The following MSRB3 variants were observed in gnomAD, a reference collection of about 807,000 sequenced individuals.
MSRB3 encodes the protein methionine sulfoxide reductase B3, also known as methionine-R-sulfoxide reductase B3.
In MSRB3, 13 loss-of-function variants were observed where a neutral mutation model predicts 21.0. The observed-to-expected ratio is 0.62, with a 90% CI of 0.40 to 0.98. The LOEUF is 0.98. Ranked by LOEUF, MSRB3 falls within the 50% of genes least tolerant of loss-of-function variation. The pLI, the probability that MSRB3 is intolerant of heterozygous loss-of-function variation, is 0.00. For synonymous variants in MSRB3, 87 were observed against 88.6 expected (o/e 0.98, Z 0.10); for missense variants, 199 against 230.3 (o/e 0.86, Z 0.88).
chr12:65,365,642 G>A (rs1175536890), intron 4 of MSRB3, among the ~76,000 whole-genome samples: 2 of 152,142 alleles, frequency 1.3e-5, no homozygotes, highest in East Asian at 1.9e-4. Flanking sequence ...AACATTTGCA[G>A]GGCCTGGGCA....
At chr12:65,355,929 G>A (rs1372312546) in intron 4 of MSRB3, among the ~76,000 whole-genome samples, 1 of 151,888 alleles carries the variant, frequency 6.6e-6, no homozygotes, top group South Asian at 2.1e-4. Flanking sequence ...CTGAATTATG[G>A]ATACTTTAAG....
chr12:65,290,403 C>A (rs567268060), intron 1 of MSRB3, among the ~76,000 whole-genome samples: 199 of 152,234 alleles, frequency 1.3e-3, no homozygotes, highest in Non-Finnish European at 2.6e-3. Context: ...TTAATTATGC[C>A]TTTTCCCATT....
intron 6 of MSRB3, among the ~76,000 whole-genome samples, chr12:65,461,299 C>T (rs1011049233): frequency 1.3e-5 from 2 of 152,190 alleles, no homozygotes; most frequent in African/African-American, 4.8e-5. Context: ...TTCATCTTAG[C>T]TGTGGATGCC....
chr12:65,307,448 C>A (rs532009081), intron 1 of MSRB3, among the ~76,000 whole-genome samples: 8 of 152,188 alleles, frequency 5.3e-5, no homozygotes, highest in African/African-American at 1.9e-4. Flanking sequence ...GAGTCCGGAA[C>A]AGACTTTTTT....
At chr12:65,293,943 A>G (rs1468942831) in intron 1 of MSRB3, among the ~76,000 whole-genome samples, 2 of 152,192 alleles carry the variant, frequency 1.3e-5, no homozygotes, top group African/African-American at 4.8e-5. Context: ...GTTTACTTTC[A>G]GAGCTCTCCT....
intron 1 of MSRB3, among the ~76,000 whole-genome samples, chr12:65,292,470 G>A (rs951905212): frequency 6.7e-6 from 1 of 150,162 alleles, no homozygotes; most frequent in African/African-American, 2.5e-5. Flanking sequence ...ATCATTCTGG[G>A]ACAACACTTT....
chr12:65,409,121 T>C (rs1880577691), intron 5 of MSRB3, among the ~76,000 whole-genome samples: 1 of 151,618 alleles, frequency 6.6e-6, no homozygotes, highest in Non-Finnish European at 1.5e-5. Flanking sequence ...ATATATTATA[T>C]ATATATATAC....
rs1289090267 is a variant in MSRB3 at position 65,332,555 on chromosome 12, C to T, written c.263+3952C>T. Among the ~76,000 whole-genome samples the T allele has an allele frequency of 3.9e-5, 6 of 152,072 alleles. No individual in the cohort carries two copies. The East Asian group carries it at 1.2e-3, about 29-fold the overall frequency. ...AATGTAAATGACAAGTTAATGGGTG[C>T]AGCACACCAACATGGCACATGTATA... On this transcript the variant is annotated intron_variant, in intron 4 of 6. Coordinates refer to ENST00000308259, the MANE Select transcript of MSRB3 (RefSeq NM_001031679.3).
chr12:65,332,857 T>C (rs1364660037), intron 4 of MSRB3, among the ~76,000 whole-genome samples: 1 of 152,240 alleles, frequency 6.6e-6, no homozygotes, highest in African/African-American at 2.4e-5. Context: ...ACTGCTTTCT[T>C]ACTGCTTACC....
Position 65,375,223 on chromosome 12 carries a change from C to T in MSRB3, c.292+6197C>T, listed in dbSNP as rs139136782. 1.5e-3 allele frequency among the ~76,000 whole-genome samples: 229 copies of T among 152,182 alleles called. 1 individual carries two copies. In the East Asian group the frequency reaches 0.025, roughly 17 times the overall value. Reference sequence around the variant, plus strand: ...ATCCCGTTTTCTAAACTAACTTGACCAGGAAACAGCAAGGCATAGTGGCTA... The same window carrying T: ...ATCCCGTTTTCTAAACTAACTTGACTAGGAAACAGCAAGGCATAGTGGCTA... On this transcript the variant is annotated intron_variant, in intron 5 of 6. Coordinates refer to ENST00000308259, the MANE Select transcript of MSRB3 (RefSeq NM_001031679.3).
At chr12:65,310,085 T>A (rs1174627955) in intron 2 of MSRB3, among the ~76,000 whole-genome samples, 1 of 152,072 alleles carries the variant, frequency 6.6e-6, no homozygotes, top group East Asian at 1.9e-4. Context: ...TTAGAAGGAG[T>A]AAGGTATTTG....
chr12:65,397,205 G>C (rs547849502), intron 5 of MSRB3, among the ~76,000 whole-genome samples: 6 of 152,242 alleles, frequency 3.9e-5, no homozygotes, highest in Admixed American at 2.0e-4. Flanking sequence ...ATTGGTGTCA[G>C]CATGATATGT....
At chr12:65,379,262 T>C (rs1878813793) in intron 5 of MSRB3, among the ~76,000 whole-genome samples, 1 of 152,122 alleles carries the variant, frequency 6.6e-6, no homozygotes, top group African/African-American at 2.4e-5. Context: ...AAAGATAGCC[T>C]TGCTGTTGGA....
At position 65,466,422 on chromosome 12, in the gene MSRB3, TG is replaced by T. The variant is rs1176416791; in HGVS notation, c.*3101del. The stretch of plus-strand genomic sequence containing the variant: ...AACTGAGTCAATATGGCAAGGTGTA[TG>T]TGATCTGTGGGAGTTATGCCATTTA... On this transcript the variant is annotated 3_prime_UTR_variant, in exon 7 of 7. Transcript: ENST00000308259. The T allele has an allele frequency of 6.6e-6, 1 of 152,198 alleles. No homozygotes were observed. Among genetic ancestry groups the T allele is most frequent in the East Asian group, 1.9e-4 (1 of 5,188 alleles). 9.4% of individuals were successfully genotyped at this position (152,198 alleles called of 1,614,324 possible).
At chr12:65,340,933 C>G (rs1876097040) in intron 4 of MSRB3, among the ~76,000 whole-genome samples, 2 of 151,956 alleles carry the variant, frequency 1.3e-5, no homozygotes, top group East Asian at 3.9e-4. Flanking sequence ...ATTGAGTTAT[C>G]ACAAAAATAA....
chr12:65,299,060 A>G (rs190325927), intron 1 of MSRB3, among the ~76,000 whole-genome samples: 1 of 152,318 alleles, frequency 6.6e-6, no homozygotes, highest in Admixed American at 6.5e-5. Context: ...GAAAAAAACT[A>G]CCTGCAACTC....
intron 5 of MSRB3, among the ~76,000 whole-genome samples, chr12:65,408,487 G>A (rs1234291029): frequency 6.6e-6 from 1 of 152,178 alleles, no homozygotes; most frequent in African/African-American, 2.4e-5. Flanking sequence ...TGACTAGGAG[G>A]TAGACTGCAT....
intron 1 of MSRB3, among the ~76,000 whole-genome samples, chr12:65,290,611 A>G (rs754093136): frequency 2.0e-5 from 3 of 152,300 alleles, no homozygotes; most frequent in South Asian, 4.1e-4. Context: ...ACTGGGGGGA[A>G]AAGTATGCCT....
chr12:65,408,053 A>C (rs553795143), intron 5 of MSRB3, among the ~76,000 whole-genome samples: 7 of 151,366 alleles, frequency 4.6e-5, no homozygotes, highest in African/African-American at 1.7e-4. Context: ...TCTGGTTCTG[A>C]TGCTTGCTCT....
Sources: allele counts gnomAD v4.1 joint callset (sites outside exome capture counted in the v4.1 genomes callset), GRCh38; gene constraint gnomAD v4.1.1; transcripts MANE v1.5; gene names NCBI Gene and HGNC (gene_info 2026-07-23, HGNC 2026-07-21).